LRRTM3: variants seen among roughly 807,000 people sequenced by gnomAD.
The protein encoded by LRRTM3 is leucine-rich repeat transmembrane neuronal protein 3.
LRRTM3 carries 24 observed loss-of-function variants against 44.7 expected under a neutral mutation model. The ratio of observed to expected loss-of-function variants is 0.54; its 90% CI spans 0.39 to 0.76. LRRTM3 has a LOEUF of 0.76. LRRTM3 is among the 30% of genes least tolerant of loss of function. The pLI is 0.00. For missense variants in LRRTM3, 587 were observed against 702.2 expected (o/e 0.84, Z 1.85); for synonymous variants, 277 against 278.7 (o/e 0.99, Z 0.06).
chr10:67,003,365 T>C (rs1211389993), intron 2 of LRRTM3, among the ~76,000 whole-genome samples: 1 of 152,172 alleles, frequency 6.6e-6, no homozygotes, highest in African/African-American at 2.4e-5. Flanking sequence ...CTTCACATAC[T>C]GTACAAAGTC....
intron 2 of LRRTM3, among the ~76,000 whole-genome samples, chr10:67,096,858 C>T (rs936187732): frequency 6.6e-6 from 1 of 151,816 alleles, no homozygotes; most frequent in South Asian, 2.1e-4. Context: ...ATAGATTTTT[C>T]CTGGGAATTC....
In LRRTM3 at chr10:67,098,688, C is replaced by A. The variant is rs1029646345; in HGVS notation, c.*892C>A. The A allele has an allele frequency of 6.6e-6, 1 of 152,292 alleles. No homozygotes were observed. The highest frequency in any genetic ancestry group is 1.5e-5 in the Non-Finnish European group (1 of 67,908). 9.4% of individuals were successfully genotyped at this position (152,292 alleles called of 1,614,324 possible). A position where few individuals can be genotyped will look rare whatever the true frequency, so the allele number is the denominator to read the frequency against. On this transcript the variant is annotated 3_prime_UTR_variant, in exon 3 of 3. Coordinates refer to ENST00000361320, the MANE Select transcript of LRRTM3 (RefSeq NM_178011.5). ...CAAAGGCTGTAACCACAGCAACAGA[C>A]TTTGTGATACAGTTAAAAGGTGCAG...
intron 2 of LRRTM3, among the ~76,000 whole-genome samples, chr10:67,002,990 A>T (rs1292745987): frequency 6.6e-6 from 1 of 152,180 alleles, no homozygotes; most frequent in Non-Finnish European, 1.5e-5. Context: ...TACATTCATC[A>T]GATGCAGTAT....
chr10:67,065,388 G>C (rs1343713478), intron 2 of LRRTM3, among the ~76,000 whole-genome samples: 1 of 152,052 alleles, frequency 6.6e-6, no homozygotes, highest in Non-Finnish European at 1.5e-5. Flanking sequence ...AAAGGTATAA[G>C]GGCATTGATT....
chr10:67,001,224 CA>C (rs1851667383), intron 2 of LRRTM3, among the ~76,000 whole-genome samples: 1 of 149,568 alleles, frequency 6.7e-6, no homozygotes, highest in Non-Finnish European at 1.5e-5. Context: ...TCGCTTGAAC[CA>C]GGGACTCGGA....
intron 2 of LRRTM3, among the ~76,000 whole-genome samples, chr10:66,944,918 G>A (rs1372976877): frequency 1.3e-5 from 2 of 152,100 alleles, no homozygotes; most frequent in African/African-American, 4.8e-5. Flanking sequence ...CTCAACAGGA[G>A]GCTTAAAATG....
intron 2 of LRRTM3, among the ~76,000 whole-genome samples, chr10:66,942,409 G>T (rs1393043224): frequency 6.6e-6 from 1 of 152,034 alleles, no homozygotes; most frequent in Non-Finnish European, 1.5e-5. Flanking sequence ...TAACAATGTT[G>T]TTCAGCAACA....
At chr10:66,947,138 T>C (rs1848312028) in intron 2 of LRRTM3, among the ~76,000 whole-genome samples, 1 of 151,956 alleles carries the variant, frequency 6.6e-6, no homozygotes, top group Admixed American at 6.6e-5. Flanking sequence ...ATGATTGTAT[T>C]AGAAAAAACT....
intron 2 of LRRTM3, among the ~76,000 whole-genome samples, chr10:67,095,063 TG>T (rs1210949464): frequency 2.9e-5 from 3 of 103,102 alleles, no homozygotes; most frequent in African/African-American, 1.7e-4. Flanking sequence ...TGTATCTGTA[TG>T]TGTGTACCCC....
chr10:66,937,672 C>T (rs531256040), intron 2 of LRRTM3, among the ~76,000 whole-genome samples: 20 of 152,244 alleles, frequency 1.3e-4, no homozygotes, highest in African/African-American at 4.1e-4. Context: ...CCAGCTACAA[C>T]CACCTTTATT....
chr10:67,024,056 C>T (rs1020138997), intron 2 of LRRTM3, among the ~76,000 whole-genome samples: 3 of 152,148 alleles, frequency 2.0e-5, no homozygotes, highest in Non-Finnish European at 4.4e-5. Flanking sequence ...TATTATCTTC[C>T]GGAGGACAGA....
At chr10:67,087,644 T>C (rs1857380199) in intron 2 of LRRTM3, among the ~76,000 whole-genome samples, 1 of 152,028 alleles carries the variant, frequency 6.6e-6, no homozygotes, top group Admixed American at 6.6e-5. Context: ...GCCATGTGCC[T>C]CATCATTAGT....
intron 2 of LRRTM3, among the ~76,000 whole-genome samples, chr10:66,932,850 G>T (rs1195568289): frequency 6.6e-6 from 1 of 152,120 alleles, no homozygotes; most frequent in African/African-American, 2.4e-5. Context: ...AATAATTTAT[G>T]ATTCTTTTGC....
At chr10:66,978,552 A>AAATAAAAAAAAATATATATATATAT in intron 2 of LRRTM3, among the ~76,000 whole-genome samples, 4 of 37,866 alleles carry the variant, frequency 1.1e-4, no homozygotes, top group Non-Finnish European at 1.9e-4. Context: ...AAAAAAAAAA[A>AAATAAAAAAAAATATATATATATAT]ATATATATAT....
chr10:66,983,617 A>T (rs1850569655), intron 2 of LRRTM3, among the ~76,000 whole-genome samples: 1 of 152,202 alleles, frequency 6.6e-6, no homozygotes, highest in South Asian at 2.1e-4. Context: ...CAAAATTGAT[A>T]AGGAGATTAT....
chr10:67,086,016 T>C (rs1156367247), intron 2 of LRRTM3, among the ~76,000 whole-genome samples: 1 of 151,974 alleles, frequency 6.6e-6, no homozygotes. Flanking sequence ...GTGTTTAAAA[T>C]GGCTTGCTTG....
In LRRTM3 at chr10:66,957,419, T is replaced by C. The variant is rs1564793964; in HGVS notation, c.1536+28967T>C. 0.015 allele frequency among the ~76,000 whole-genome samples: 479 copies of C among 32,984 alleles called. 39 individuals carry two copies. In the East Asian group the frequency reaches 0.17, roughly 12 times the overall value. The allele number at this position is 32,984 out of a possible 152,430, so 21.6% of individuals were successfully genotyped here. On this transcript the variant is annotated intron_variant, in intron 2 of 2. Coordinates refer to ENST00000361320, the MANE Select transcript of LRRTM3 (RefSeq NM_178011.5). The stretch of plus-strand genomic sequence containing the variant: ...ATATATATATATATATATATGCATA[T>C]ATATATATGCATATATATATATGCA...
intron 2 of LRRTM3, among the ~76,000 whole-genome samples, chr10:67,055,258 C>T (rs189427386): frequency 2.5e-4 from 38 of 152,238 alleles, no homozygotes; most frequent in Non-Finnish European, 3.5e-4. Context: ...ATAGGTGTCA[C>T]CATTAGTACA....
intron 2 of LRRTM3, among the ~76,000 whole-genome samples, chr10:67,019,666 A>G (rs1224900857): frequency 6.6e-6 from 1 of 152,232 alleles, no homozygotes; most frequent in Admixed American, 6.5e-5. Context: ...TGGGGCTCAA[A>G]GTCAGGACTC....
Sources: gnomAD v4.1 joint callset for allele counts (sites outside exome capture counted in the v4.1 genomes callset) on GRCh38, gnomAD v4.1.1 for gene constraint, MANE v1.5 for transcripts, NCBI Gene and HGNC (gene_info 2026-07-23, HGNC 2026-07-21) for gene names.